Variants in WDR35 observed in about 807,000 individuals in gnomAD.
WDR35 encodes the protein WD repeat domain 35.
A neutral mutation model predicts 158.3 loss-of-function variants in WDR35; 118 were observed. The observed-to-expected ratio is 0.75, with a 90% CI of 0.64 to 0.87. The LOEUF (loss-of-function observed/expected upper bound fraction) is 0.87. Among genes scored for constraint, WDR35 ranks in the 40% least tolerant of loss-of-function variants. The pLI is 0.00. For missense variants in WDR35, 1,263 were observed against 1,405.8 expected (o/e 0.90, Z 1.62); for synonymous variants, 448 against 476.1 (o/e 0.94, Z 0.77).
chr2:19,945,639 A>G, intron 16 of WDR35, 147 bp downstream of exon 16: 1 of 849,750 alleles, frequency 1.2e-6, no homozygotes, highest in Non-Finnish European at 1.9e-6. Context: ...AAATCCACAG[A>G]AATGTTCCTA....
Position 19,945,754 on chromosome 2 carries a change from A to G in WDR35, c.1845+32T>C, listed in dbSNP as rs1331395160. The G allele has an allele frequency of 2.5e-6, 4 of 1,612,040 alleles. No individual in the cohort carries two copies. The East Asian group carries it at 8.9e-5, about 36-fold the overall frequency. Reference sequence around the variant, plus strand: ...GGTTTTTATATTTGGCTCATTATTTATAGACTGTTAACACTCATTTCTTGT... The same window carrying G: ...GGTTTTTATATTTGGCTCATTATTTGTAGACTGTTAACACTCATTTCTTGT... On this transcript the variant is annotated intron_variant, in intron 16 of 26. Coordinates refer to ENST00000281405, the MANE Select transcript of WDR35 (RefSeq NM_020779.4).
chr2:19,936,363 TC>T lies in WDR35; in HGVS notation c.2269del (p.Asp757IlefsTer8). ...ERTYLEMDRRDLAIGLRLKLG... is the reference protein window; with the variant it reads ...ERTYLEMDRRXLAIGLRLKLG... ...TTTCAGCCGGAGGCCAATAGCAAGA[TC>T]CCTACAAACAAAGGCATTCATTCAT... is the stretch of plus-strand genomic sequence containing the variant. On this transcript the variant is annotated frameshift_variant and splice_region_variant, in exon 20 of 27. Coordinates refer to ENST00000281405, the MANE Select transcript of WDR35 (RefSeq NM_020779.4). LOFTEE classifies it high-confidence loss of function. 1.2e-6 allele frequency: 2 copies of T among 1,613,878 alleles called. No homozygotes were observed. Among genetic ancestry groups the T allele is most frequent in the Non-Finnish European group, 1.7e-6 (2 of 1,179,856 alleles).
chr2:19,915,276 G>A (rs1669956047), intron 25 of WDR35, among the ~76,000 whole-genome samples: 1 of 151,902 alleles, frequency 6.6e-6, no homozygotes, highest in Non-Finnish European at 1.5e-5. Context: ...ACTGGTTCTG[G>A]GGTCAAGTAT....
chr2:19,925,072 T>C (rs1438173848), intron 25 of WDR35, among the ~76,000 whole-genome samples: 1 of 152,150 alleles, frequency 6.6e-6, no homozygotes, highest in Non-Finnish European at 1.5e-5. Flanking sequence ...ACAATGTCTG[T>C]TCCCCGCCAC....
At chr2:19,938,060 G>A in intron 18 of WDR35, 114 bp from the exon 19 acceptor site, 6 of 1,418,644 alleles carry the variant, frequency 4.2e-6, no homozygotes, top group Non-Finnish European at 4.9e-6. Context: ...AAACATGGTG[G>A]AAAGTAACAT....
In WDR35 at chr2:19,989,980, C is replaced by T. The variant is rs556724767; in HGVS notation, c.24+12G>A. The T allele has an allele frequency of 6.2e-7, 1 of 1,613,854 alleles. No individual in the cohort carries two copies. The highest frequency in any genetic ancestry group is 8.5e-7 in the Non-Finnish European group (1 of 1,179,884). On this transcript the variant is annotated intron_variant, in intron 1 of 26. Transcript: ENST00000281405. ...ATGGCGGAGAAACGAGGACGCCCCC[C>T]AGGAAACTCACTTTCTTGCTCAGGT...
At chr2:19,946,881 T>C (rs1671077945) in intron 14 of WDR35, among the ~76,000 whole-genome samples, 1 of 152,198 alleles carries the variant, frequency 6.6e-6, no homozygotes, top group South Asian at 2.1e-4. Context: ...TTTATATTTG[T>C]TATCTAGGTT....
intron 8 of WDR35, among the ~76,000 whole-genome samples, chr2:19,970,809 T>A (rs1672015038): frequency 6.6e-6 from 1 of 152,152 alleles, no homozygotes; most frequent in Admixed American, 6.5e-5. Context: ...CTGGTCCTTG[T>A]CCTCCTGGAG....
chr2:19,986,490 A>G (rs1429991677), intron 2 of WDR35, among the ~76,000 whole-genome samples: 1 of 152,246 alleles, frequency 6.6e-6, no homozygotes, highest in Non-Finnish European at 1.5e-5. Context: ...GAAAAGTAGT[A>G]CGTCTAAATA....
At chr2:19,987,823 CAAAAA>C (rs34794090) in intron 2 of WDR35, among the ~76,000 whole-genome samples, 1 of 57,166 alleles carries the variant, frequency 1.7e-5, no homozygotes, top group Non-Finnish European at 3.2e-5. Flanking sequence ...AACTCTGTCT[CAAAAA>C]AAAAAAAAAA....
chr2:19,929,896 A>G (rs1445174164), intron 25 of WDR35, among the ~76,000 whole-genome samples: 1 of 152,066 alleles, frequency 6.6e-6, no homozygotes, highest in Admixed American at 6.5e-5. Flanking sequence ...CACTTTTATA[A>G]AACACAAGAT....
intron 10 of WDR35, among the ~76,000 whole-genome samples, chr2:19,964,746 C>G (rs1671793065): frequency 6.6e-6 from 1 of 152,072 alleles, no homozygotes; most frequent in Admixed American, 6.6e-5. Flanking sequence ...ATTTCCTTGT[C>G]CTTTTGCTTC....
In WDR35 at chr2:19,941,758, C is replaced by T. The variant is rs1162781638; in HGVS notation, c.1926+1G>A. On this transcript the variant is annotated splice_donor_variant, in intron 17 of 26. Coordinates refer to ENST00000281405, the MANE Select transcript of WDR35 (RefSeq NM_020779.4). LOFTEE classifies it high-confidence loss of function. The stretch of plus-strand genomic sequence containing the variant: ...CAGAAATGTAACTTTTTAGGAATTA[C>T]CTTTAATATCTCATCCAAAAGAACA... 12 of 1,542,884 alleles carry T rather than the reference C, an allele frequency of 7.8e-6. No homozygotes were observed. Among genetic ancestry groups the T allele is most frequent in the Non-Finnish European group, 1.1e-5 (12 of 1,128,268 alleles).
chr2:19,948,156 A>C lies in WDR35; in HGVS notation c.1524+8T>G. On this transcript the variant is annotated splice_region_variant and intron_variant, in intron 14 of 26. Transcript: ENST00000281405. ...ATTATTCATAAAATAAGTTTTTGCA[A>C]AACTTACCACAATCAATATCTTATC... 1 of 1,604,834 alleles carries C rather than the reference A, an allele frequency of 6.2e-7. No homozygotes were observed. Among genetic ancestry groups the C allele is most frequent in the Non-Finnish European group, 8.5e-7 (1 of 1,176,154 alleles).
chr2:19,974,475 AT>A lies in WDR35; in HGVS notation c.728del (p.Asn243MetfsTer7). On this transcript the variant is annotated frameshift_variant, in exon 7 of 27. Coordinates refer to ENST00000281405, the MANE Select transcript of WDR35 (RefSeq NM_020779.4). LOFTEE classifies it high-confidence loss of function. ...NGRCQIMRHE[N>X]DQNPVLIDTG... ...AACAGAAAAATTCCTTACTTTGGTC[AT>A]TCTCATGTCTCATTATTTGGCATCT... The A allele has an allele frequency of 6.2e-7, 1 of 1,603,356 alleles. No homozygotes were observed. The highest frequency in any genetic ancestry group is 2.2e-5 in the East Asian group (1 of 44,610).
At position 19,912,375 on chromosome 2, in the gene WDR35, T is replaced by C. The variant is rs1316173619; in HGVS notation, c.*1183A>G. On this transcript the variant is annotated 3_prime_UTR_variant, in exon 27 of 27. Coordinates refer to ENST00000281405, the MANE Select transcript of WDR35 (RefSeq NM_020779.4). ...AGACAGAGACCTCAAAGACTTCTGG[T>C]CTTCTCTTTTTATTTAGGCCAATGA... 6.6e-6 allele frequency: 1 copy of C among 152,200 alleles called. No individual in the cohort carries two copies. Among genetic ancestry groups the C allele is most frequent in the African/African-American group, 2.4e-5 (1 of 41,446 alleles). The allele number at this position is 152,200 out of a possible 1,614,324, so 9.4% of individuals were successfully genotyped here. A position where few individuals can be genotyped will look rare whatever the true frequency, so the allele number is the denominator to read the frequency against.
At position 19,914,216 on chromosome 2, in the gene WDR35, T is replaced by G; in HGVS notation, c.3183A>C (p.Ala1061=). 6.2e-7 allele frequency: 1 copy of G among 1,614,158 alleles called. No homozygotes were observed. The highest frequency in any genetic ancestry group is 8.5e-7 in the Non-Finnish European group (1 of 1,180,002). Residue 1061 remains alanine (A), a synonymous_variant, in exon 26 of 27, where the codon GCA becomes GCC. Transcript: ENST00000281405. The part of the protein sequence containing the change: ...IPPVEIYSLL[A]LCACASRAFG... ...AGGCTCTGCTGGCGCATGCGCAGAG[T>G]GCTAGCAGAGAGTAGATCTCCACAG...
At chr2:19,969,711 G>T in intron 8 of WDR35, 106 bp from the exon 9 acceptor site, 8 of 1,179,076 alleles carry the variant, frequency 6.8e-6, no homozygotes, top group East Asian at 2.6e-5. Context: ...ATTATTTTGT[G>T]AAAAGTTACT....
intron 12 of WDR35, 151 bp downstream of exon 12, chr2:19,953,683 C>T: frequency 1.0e-6 from 1 of 1,004,964 alleles, no homozygotes; most frequent in Non-Finnish European, 1.5e-6. Context: ...TAAATTTAAA[C>T]ACATAAATTT....
Sources: allele counts gnomAD v4.1 joint callset (sites outside exome capture counted in the v4.1 genomes callset), GRCh38; gene constraint gnomAD v4.1.1; transcripts MANE v1.5; gene names NCBI Gene and HGNC (gene_info 2026-07-23, HGNC 2026-07-21).